DOCK2: variants seen among roughly 807,000 people sequenced by gnomAD.
The protein encoded by DOCK2 is dedicator of cytokinesis 2, also known as dedicator of cytokinesis protein 2.
Under a neutral mutation model 248.9 loss-of-function variants are expected in DOCK2, and 87 were observed. The observed-to-expected ratio is 0.35, with a 90% CI of 0.29 to 0.42. The LOEUF (loss-of-function observed/expected upper bound fraction) is 0.42. Ranked by LOEUF, DOCK2 falls within the 10% of genes least tolerant of loss-of-function variation. DOCK2 has a pLI of 1.00. For synonymous variants in DOCK2, 805 were observed against 821.6 expected (o/e 0.98, Z 0.35); for missense variants, 1,747 against 2,300.2 (o/e 0.76, Z 4.92).
intron 50 of DOCK2, 107 bp from the exon 51 acceptor site, chr5:170,081,735 T>A: frequency 7.8e-7 from 1 of 1,280,226 alleles, no homozygotes; most frequent in South Asian, 1.5e-5. Flanking sequence ...CAATGTGTGA[T>A]CCCTGGATGC....
chr5:169,750,770 T>G (rs1763854104), intron 23 of DOCK2, among the ~76,000 whole-genome samples: 1 of 152,218 alleles, frequency 6.6e-6, no homozygotes. Flanking sequence ...TTTCCACCTA[T>G]TTACATAGCT....
At chr5:169,884,632 A>G (rs1049545303) in intron 27 of DOCK2, 1 of 152,256 alleles carries the variant, frequency 6.6e-6, no homozygotes, top group African/African-American at 2.4e-5. Flanking sequence ...TATGACCAGG[A>G]CAGGATTGAG....
chr5:170,018,833 A>T, intron 32 of DOCK2, 127 bp from the exon 33 acceptor site: 1 of 1,231,786 alleles, frequency 8.1e-7, no homozygotes, highest in South Asian at 1.5e-5. Context: ...ATGGTAAACA[A>T]CTATATAAGT....
At chr5:169,968,843 G>A (rs1777395080) in intron 27 of DOCK2, among the ~76,000 whole-genome samples, 1 of 152,192 alleles carries the variant, frequency 6.6e-6, no homozygotes, top group Non-Finnish European at 1.5e-5. Context: ...AGGGAGAATA[G>A]AGAAGGCTTC....
intron 26 of DOCK2, among the ~76,000 whole-genome samples, chr5:169,807,496 C>T (rs1272829645): frequency 6.6e-6 from 1 of 151,972 alleles, no homozygotes; most frequent in Non-Finnish European, 1.5e-5. Flanking sequence ...ATTCTCAGTT[C>T]TTTACCTTCT....
At chr5:169,806,947 T>C (rs1767406029) in intron 26 of DOCK2, among the ~76,000 whole-genome samples, 2 of 146,060 alleles carry the variant, frequency 1.4e-5, no homozygotes, top group Admixed American at 1.4e-4. Flanking sequence ...ATGCCCCACG[T>C]ATCCTCATTC....
At chr5:169,998,570 CAAGTTGGCCACTATTACTAA>C (rs1425566150) in intron 30 of DOCK2, among the ~76,000 whole-genome samples, 1 of 152,216 alleles carries the variant, frequency 6.6e-6, no homozygotes, top group Non-Finnish European at 1.5e-5. Flanking sequence ...AGCCACCCTA[CAAGTTGGCCACTATTACTAA>C]TATTTTTTCT....
At chr5:169,825,393 G>T (rs1179235818) in intron 26 of DOCK2, among the ~76,000 whole-genome samples, 2 of 151,912 alleles carry the variant, frequency 1.3e-5, no homozygotes, top group Non-Finnish European at 2.9e-5. Context: ...GTGATAGACT[G>T]GATTAAGAAA....
intron 30 of DOCK2, among the ~76,000 whole-genome samples, chr5:170,005,949 C>T (rs1399198505): frequency 2.0e-5 from 3 of 152,146 alleles, no homozygotes; most frequent in East Asian, 1.9e-4. Flanking sequence ...ACCTTAATTA[C>T]TCTTTTGCTA....
intron 27 of DOCK2, chr5:169,881,305 G>C: frequency 1.5e-6 from 2 of 1,350,744 alleles, no homozygotes; most frequent in South Asian, 2.5e-5. Context: ...AAGTTTGCTA[G>C]AGTGTTCAGC....
intron 22 of DOCK2, among the ~76,000 whole-genome samples, chr5:169,726,399 C>T (rs1482695118): frequency 1.3e-5 from 2 of 152,096 alleles, no homozygotes; most frequent in African/African-American, 2.4e-5. Context: ...GTAGATTCTG[C>T]ATATTAGCCC....
rs151243994 is a variant in DOCK2, at chr5:169,673,539, G to A, written c.322-758G>A. On this transcript the variant is annotated intron_variant, in intron 5 of 51. Transcript: ENST00000520908. Reference sequence around the variant, plus strand: ...CATTATTTTTATAAAAAAAAATTTAGAGACAGGGTCTTGCTCTGTCACCCC... The same window carrying A: ...CATTATTTTTATAAAAAAAAATTTAAAGACAGGGTCTTGCTCTGTCACCCC... Among the ~76,000 whole-genome samples, 376 of 152,070 alleles carry A rather than the reference G, an allele frequency of 2.5e-3. 3 individuals are homozygous for A. Among genetic ancestry groups the A allele is most frequent in the African/African-American group, 8.3e-3 (344 of 41,478 alleles).
chr5:169,778,492 G>A (rs1052731547), intron 25 of DOCK2, among the ~76,000 whole-genome samples: 1 of 152,168 alleles, frequency 6.6e-6, no homozygotes, highest in Non-Finnish European at 1.5e-5. Flanking sequence ...TTTCAAAATT[G>A]TAGGCACAAA....
chr5:169,792,564 A>C (rs1341175044), intron 25 of DOCK2, among the ~76,000 whole-genome samples: 1 of 151,942 alleles, frequency 6.6e-6, no homozygotes, highest in Non-Finnish European at 1.5e-5. Context: ...CTTCCATCTC[A>C]GTGTCCCGAG....
chr5:169,751,709 G>A (rs925059583), intron 23 of DOCK2, among the ~76,000 whole-genome samples: 1 of 152,002 alleles, frequency 6.6e-6, no homozygotes, highest in African/African-American at 2.4e-5. Flanking sequence ...GTTCTGAGTC[G>A]GCGTGGCAGC....
At chr5:169,712,037 A>T in intron 16 of DOCK2, 30 bp downstream of exon 16, 1 of 1,613,772 alleles carries the variant, frequency 6.2e-7, no homozygotes, top group African/African-American at 1.3e-5. Context: ...GCATCTCTGC[A>T]CCTCCCCCTA....
intron 6 of DOCK2, among the ~76,000 whole-genome samples, chr5:169,678,878 C>A (rs1314647596): frequency 1.3e-5 from 2 of 152,072 alleles, no homozygotes; most frequent in African/African-American, 4.8e-5. Context: ...GGGATGACAA[C>A]CACTCTGAAT....
At chr5:169,767,238 T>C (rs1764846705) in intron 25 of DOCK2, among the ~76,000 whole-genome samples, 1 of 152,244 alleles carries the variant, frequency 6.6e-6, no homozygotes, top group South Asian at 2.1e-4. Flanking sequence ...TTAATGGGGT[T>C]GTTGTTTTTG....
chr5:169,912,956 T>G (rs1774690052), intron 27 of DOCK2, among the ~76,000 whole-genome samples: 1 of 152,196 alleles, frequency 6.6e-6, no homozygotes, highest in Non-Finnish European at 1.5e-5. Flanking sequence ...AAAGACAATT[T>G]AATGGGTGAT....
Sources: allele counts gnomAD v4.1 joint callset (sites outside exome capture counted in the v4.1 genomes callset), GRCh38; gene constraint gnomAD v4.1.1; transcripts MANE v1.5; gene names NCBI Gene and HGNC (gene_info 2026-07-23, HGNC 2026-07-21).